The following ZNF536 variants were observed in gnomAD, a reference collection of about 807,000 sequenced individuals.
The protein encoded by ZNF536 is zinc finger protein 536.
Under a neutral mutation model 84.5 loss-of-function variants are expected in ZNF536, and 13 were observed. The observed-to-expected ratio is 0.15, with a 90% confidence interval of 0.10 to 0.24. ZNF536 has a LOEUF of 0.24. ZNF536 is among the 10% of genes least tolerant of loss of function. ZNF536 has a pLI of 1.00. For synonymous variants in ZNF536, 811 were observed against 742.5 expected, an observed-to-expected ratio of 1.09 and a Z score of -1.50; for missense variants, 1,536 against 1,747.5, an observed-to-expected ratio of 0.88 and a Z score of 2.16.
intron 1 of ZNF536, among the ~76,000 whole-genome samples, chr19:30,409,234 TTGAATAAATGAA>T (rs1056278574): frequency 5.9e-5 from 9 of 152,358 alleles, no homozygotes; most frequent in African/African-American, 1.9e-4. Flanking sequence ...TAAATATTTG[TTGAATAAATGAA>T]TGAATAAATA....
At chr19:30,454,329 A>G (rs1308704573) in intron 2 of ZNF536, among the ~76,000 whole-genome samples, 1 of 152,168 alleles carries the variant, frequency 6.6e-6, no homozygotes, top group African/African-American at 2.4e-5. Context: ...TCATTAAAGT[A>G]ATGTCCAGAA....
intron 1 of ZNF536, among the ~76,000 whole-genome samples, chr19:30,576,123 T>C (rs1158601688): frequency 6.6e-6 from 1 of 152,218 alleles, no homozygotes; most frequent in Non-Finnish European, 1.5e-5. Context: ...GATGCCATAG[T>C]GCCTCTGACC....
chr19:30,579,503 G>A (rs11883378), intron 1 of ZNF536, among the ~76,000 whole-genome samples: 2,696 of 152,252 alleles, frequency 0.018, 68 homozygotes, highest in South Asian at 0.051. Context: ...GCCTGGGCTC[G>A]TTCTCATGAT....
At chr19:30,277,956 C>T (rs977077930) in intron 1 of ZNF536, among the ~76,000 whole-genome samples, 9 of 152,162 alleles carry the variant, frequency 5.9e-5, no homozygotes, top group African/African-American at 1.2e-4. Context: ...ACCTTGTGGG[C>T]GGTGCTGTCT....
intron 2 of ZNF536, among the ~76,000 whole-genome samples, chr19:30,526,302 G>T (rs1046383468): frequency 1.3e-5 from 2 of 152,228 alleles, no homozygotes; most frequent in African/African-American, 4.8e-5. Flanking sequence ...TGGGGCCTTG[G>T]CAAGATGTGG....
chr19:30,562,007 C>T (rs1235450676), downstream of ZNF536, among the ~76,000 whole-genome samples: 1 of 152,170 alleles, frequency 6.6e-6, no homozygotes, highest in Non-Finnish European at 1.5e-5. Flanking sequence ...AGTGCATGGC[C>T]TCTCAGCTTA....
intron 1 of ZNF536, among the ~76,000 whole-genome samples, chr19:30,255,167 C>G (rs753370393): frequency 5.3e-5 from 8 of 152,176 alleles, no homozygotes; most frequent in Admixed American, 2.6e-4. Flanking sequence ...CTATTCCCCC[C>G]CTTTTTTTCA....
At chr19:30,435,711 G>T (rs55721370) in intron 1 of ZNF536, among the ~76,000 whole-genome samples, 1 of 151,906 alleles carries the variant, frequency 6.6e-6, no homozygotes, top group Non-Finnish European at 1.5e-5. Context: ...ATCCCCAGCA[G>T]CTACTTGCCT....
intron 1 of ZNF536, among the ~76,000 whole-genome samples, chr19:30,584,821 T>A (rs1302250362): frequency 1.3e-5 from 2 of 152,112 alleles, no homozygotes; most frequent in African/African-American, 4.8e-5. Context: ...CTTGGTTGGG[T>A]GTGGTGGCTC....
chr19:30,620,752 T>C (rs551520379), intron 1 of ZNF536, among the ~76,000 whole-genome samples: 1 of 152,318 alleles, frequency 6.6e-6, no homozygotes, highest in African/African-American at 2.4e-5. Flanking sequence ...GCAAACCTTT[T>C]GAATGACACA....
intron 2 of ZNF536, among the ~76,000 whole-genome samples, chr19:30,294,549 ATGTGTGTGTGTGTG>A (rs55972417): frequency 5.5e-5 from 8 of 145,502 alleles, no homozygotes; most frequent in East Asian, 4.0e-4. Context: ...AGGCCCCAAT[ATGTGTGTGTGTGTG>A]TGTGTGTGTG....
At chr19:30,239,459 G>A (rs1178373968) in intron 1 of ZNF536, among the ~76,000 whole-genome samples, 2 of 152,166 alleles carry the variant, frequency 1.3e-5, no homozygotes, top group East Asian at 1.9e-4. Flanking sequence ...GGGACTCTTG[G>A]CACGTGGCCT....
At chr19:30,600,083 T>C (rs2047632344) in intron 1 of ZNF536, among the ~76,000 whole-genome samples, 2 of 148,608 alleles carry the variant, frequency 1.3e-5, no homozygotes, top group Non-Finnish European at 3.0e-5. Context: ...TTGTTTTTGT[T>C]TTTGTTTTTA....
intron 1 of ZNF536, among the ~76,000 whole-genome samples, chr19:30,433,858 T>C (rs2051591919): frequency 6.6e-6 from 1 of 152,222 alleles, no homozygotes; most frequent in African/African-American, 2.4e-5. Flanking sequence ...CCTCTCAGCA[T>C]GTCCTCTGCT....
At chr19:30,565,751 A>T (rs2046326741) in intron 1 of ZNF536, among the ~76,000 whole-genome samples, 1 of 151,278 alleles carries the variant, frequency 6.6e-6, no homozygotes, top group Non-Finnish European at 1.5e-5. Flanking sequence ...GTCATTTTCT[A>T]CTCTTCCAGC....
chr19:30,661,194 C>T (rs1412282823), intron 1 of ZNF536, among the ~76,000 whole-genome samples: 1 of 152,204 alleles, frequency 6.6e-6, no homozygotes, highest in Non-Finnish European at 1.5e-5. Flanking sequence ...CTTTTCTGCT[C>T]TGCTTTGCTC....
intron 1 of ZNF536, among the ~76,000 whole-genome samples, chr19:30,237,116 G>A (rs1395725639): frequency 3.3e-5 from 5 of 151,842 alleles, no homozygotes. Flanking sequence ...CCAGGCCCCT[G>A]TGTGGATCTG....
intron 2 of ZNF536, among the ~76,000 whole-genome samples, chr19:30,482,055 T>A (rs2866971): frequency 0.28 from 42,960 of 152,188 alleles, 9,599 homozygotes; most frequent in African/African-American, 0.62. Flanking sequence ...ACCTTTATAC[T>A]TTCGTTGATC....
At chr19:30,302,828 A>T (rs572502478) in intron 2 of ZNF536, among the ~76,000 whole-genome samples, 332 of 152,148 alleles carry the variant, frequency 2.2e-3, no homozygotes, top group African/African-American at 7.7e-3. Flanking sequence ...TATGTCCTGA[A>T]TGGGTGCAGC....
Sources: gnomAD v4.1 joint callset for allele counts (sites outside exome capture counted in the v4.1 genomes callset) on GRCh38, gnomAD v4.1.1 for gene constraint, MANE v1.5 for transcripts, NCBI Gene and HGNC (gene_info 2026-07-23, HGNC 2026-07-21) for gene names.